The following TAFA5 variants were observed in gnomAD, a reference collection of about 807,000 sequenced individuals.
The protein encoded by TAFA5 is TAFA chemokine like family member 5.
In TAFA5, 6 loss-of-function variants were observed where a neutral mutation model predicts 15.3. The ratio of observed to expected loss-of-function variants is 0.39; its 90% CI spans 0.21 to 0.77. The LOEUF (loss-of-function observed/expected upper bound fraction) is 0.77, where lower values mean the gene tolerates loss of function less well. Among genes scored for constraint, TAFA5 ranks in the 30% least tolerant of loss-of-function variants. The pLI is 0.41. For missense variants in TAFA5, 161 were observed against 193.1 expected, an observed-to-expected ratio of 0.83 and a Z score of 0.98; for synonymous variants, 103 against 80.7, an observed-to-expected ratio of 1.28 and a Z score of -1.48.
intron 1 of TAFA5, among the ~76,000 whole-genome samples, chr22:48,600,104 G>A (rs887821548): frequency 6.6e-6 from 1 of 152,178 alleles, no homozygotes; most frequent in Non-Finnish European, 1.5e-5. Flanking sequence ...TGGATAGAGG[G>A]GCTGAGTGTG....
chr22:48,653,080 A>G (rs567516391), intron 2 of TAFA5, among the ~76,000 whole-genome samples: 23 of 152,138 alleles, frequency 1.5e-4, no homozygotes, highest in African/African-American at 5.3e-4. Flanking sequence ...GGACACATAC[A>G]TCTCCGCGCA....
At chr22:48,708,146 C>T (rs538373973) in intron 3 of TAFA5, among the ~76,000 whole-genome samples, 1 of 152,298 alleles carries the variant, frequency 6.6e-6, no homozygotes, top group South Asian at 2.1e-4. Flanking sequence ...TGGTTAGAGC[C>T]GTCTTGTTTC....
intron 3 of TAFA5, among the ~76,000 whole-genome samples, chr22:48,721,926 G>A (rs1043215015): frequency 2.0e-5 from 3 of 151,984 alleles, no homozygotes; most frequent in Non-Finnish European, 2.9e-5. Flanking sequence ...GCAGTGAACC[G>A]AAATCACACC....
rs192300520 is a variant in TAFA5, at chr22:48,493,671, T to G, written c.112+3967T>G. On this transcript the variant is annotated intron_variant, in intron 1 of 3. Transcript: ENST00000402357. ...GGGGCACAAGAAGATGGGATGTTTGTTTTTTTTCAGCTCCATAAATATAAA... is the reference window on the plus strand; with the variant it reads ...GGGGCACAAGAAGATGGGATGTTTGGTTTTTTTCAGCTCCATAAATATAAA... Among the ~76,000 whole-genome samples, 252 of 152,132 alleles carry G rather than the reference T, an allele frequency of 1.7e-3. 1 individual carries two copies. Among genetic ancestry groups the G allele is most frequent in the African/African-American group, 5.7e-3 (236 of 41,492 alleles).
intron 3 of TAFA5, among the ~76,000 whole-genome samples, chr22:48,729,291 A>AATATATAATAT (rs1569096799): frequency 1.4e-4 from 5 of 35,680 alleles, no homozygotes; most frequent in Admixed American, 8.0e-4. Flanking sequence ...ATATATAATA[A>AATATATAATAT]TTTTATATTT....
intron 1 of TAFA5, among the ~76,000 whole-genome samples, chr22:48,513,266 G>A (rs1178819933): frequency 6.6e-6 from 1 of 152,222 alleles, no homozygotes; most frequent in African/African-American, 2.4e-5. Context: ...CAGACAGCAG[G>A]TCCTGGAGTA....
intron 3 of TAFA5, among the ~76,000 whole-genome samples, chr22:48,709,497 G>A (rs978860473): frequency 7.2e-5 from 11 of 152,148 alleles, no homozygotes; most frequent in South Asian, 4.1e-4. Context: ...CCAGTCAGGC[G>A]CAGCCTTTCG....
intron 1 of TAFA5, chr22:48,576,223 G>T (rs1923788477): frequency 2.6e-6 from 1 of 377,878 alleles, no homozygotes; most frequent in Non-Finnish European, 4.1e-6. Flanking sequence ...CGCGGCCCGA[G>T]ACTTTCTGCT....
intron 1 of TAFA5, among the ~76,000 whole-genome samples, chr22:48,623,274 C>T (rs997348693): frequency 1.4e-5 from 2 of 141,704 alleles, no homozygotes; most frequent in African/African-American, 2.6e-5. Context: ...ACCTGTGGGA[C>T]GGGACGTGTC....
rs1021915008 is a variant in TAFA5 at position 48,598,075 on chromosome 22, T to C, written c.113-48522T>C. On this transcript the variant is annotated intron_variant, in intron 1 of 3. Transcript: ENST00000402357. This position sits in a 1 kb window ranked among gnomAD's most constrained non-coding sequence, Gnocchi z 4.0. ...AATAAGCTTCTGCAGTTTCAGAGGCTGTCAGTATGACATCTGCAGGGAAGA... is the reference window on the plus strand; with the variant it reads ...AATAAGCTTCTGCAGTTTCAGAGGCCGTCAGTATGACATCTGCAGGGAAGA... 1.3e-5 allele frequency among the ~76,000 whole-genome samples: 2 copies of C among 152,174 alleles called. No homozygotes were observed. The highest frequency in any genetic ancestry group is 1.3e-4 in the Admixed American group (2 of 15,286).
At chr22:48,651,487 G>A (rs1480636356) in intron 2 of TAFA5, among the ~76,000 whole-genome samples, 1 of 152,148 alleles carries the variant, frequency 6.6e-6, no homozygotes, top group African/African-American at 2.4e-5. Flanking sequence ...CTGGGTCCTG[G>A]GCTGGGAAAA....
intron 1 of TAFA5, among the ~76,000 whole-genome samples, chr22:48,517,435 C>T (rs985405726): frequency 6.6e-6 from 1 of 152,210 alleles, no homozygotes; most frequent in Admixed American, 6.5e-5. Flanking sequence ...TCCTGGGACA[C>T]GCCCATGCCC....
At chr22:48,502,081 A>G (rs766319912) in intron 1 of TAFA5, among the ~76,000 whole-genome samples, 7 of 152,244 alleles carry the variant, frequency 4.6e-5, no homozygotes, top group South Asian at 2.1e-4. Context: ...TGTCTCTACC[A>G]TGACGGTTTT....
chr22:48,693,211 C>G (rs1450439228), intron 2 of TAFA5: 13 of 1,374,540 alleles, frequency 9.5e-6, no homozygotes, highest in Admixed American at 2.1e-5. Context: ...CGGGGCCTCA[C>G]TCGTCCTCAG....
At chr22:48,610,292 C>G (rs1229772123) in intron 1 of TAFA5, among the ~76,000 whole-genome samples, 1 of 152,232 alleles carries the variant, frequency 6.6e-6, no homozygotes, top group Non-Finnish European at 1.5e-5. Context: ...TGGGTTCAGT[C>G]TTGCCCGTTG....
At chr22:48,701,830 C>T (rs189335349) in intron 2 of TAFA5, among the ~76,000 whole-genome samples, 15 of 152,308 alleles carry the variant, frequency 9.8e-5, no homozygotes, top group Admixed American at 6.5e-4. Flanking sequence ...AGTCCCAGCC[C>T]GCACTGGGCA....
intron 3 of TAFA5, among the ~76,000 whole-genome samples, chr22:48,729,999 G>A (rs577649672): frequency 6.6e-5 from 10 of 152,174 alleles, no homozygotes; most frequent in African/African-American, 2.2e-4. Context: ...CGTGTCCCTG[G>A]AATGTGCATC....
chr22:48,557,993 C>T (rs1273343630), intron 1 of TAFA5, among the ~76,000 whole-genome samples: 3 of 152,168 alleles, frequency 2.0e-5, no homozygotes, highest in South Asian at 2.1e-4. Context: ...CCACGGAGCC[C>T]GCTCAGGCAG....
chr22:48,518,599 G>C lies in TAFA5; in HGVS notation c.112+28895G>C, dbSNP rs16999305. Among the ~76,000 whole-genome samples, 2,741 of 152,312 alleles carry C rather than the reference G, an allele frequency of 0.018. 131 individuals carry two copies. The East Asian group carries it at 0.19, about 10-fold the overall frequency. ...TCACGGCATTATTGTCACTGAGCGG[G>C]TCTTACCCTCCAGCCTGGGAGGCGG... On this transcript the variant is annotated intron_variant, in intron 1 of 3. Coordinates refer to ENST00000402357, the MANE Select transcript of TAFA5 (RefSeq NM_001082967.3).
Sources: allele counts gnomAD v4.1 joint callset (sites outside exome capture counted in the v4.1 genomes callset), GRCh38; gene constraint gnomAD v4.1.1; non-coding constraint Gnocchi (gnomAD v3.1); transcripts MANE v1.5; gene names NCBI Gene and HGNC (gene_info 2026-07-23, HGNC 2026-07-21).